ITSN1: variants seen among roughly 807,000 people sequenced by gnomAD.
ITSN1 encodes the protein intersectin 1.
In ITSN1, 58 loss-of-function variants were observed where a neutral mutation model predicts 239.8. That is an observed-to-expected ratio of 0.24 (90% CI 0.20 to 0.30). The LOEUF (loss-of-function observed/expected upper bound fraction) is 0.30. Ranked by LOEUF, ITSN1 falls within the 10% of genes least tolerant of loss-of-function variation. The pLI, the probability that ITSN1 is intolerant of heterozygous loss-of-function variation, is 1.00. For synonymous variants in ITSN1, 780 were observed against 770.8 expected, an observed-to-expected ratio of 1.01 and a Z score of -0.20; for missense variants, 1,558 against 2,103.3, an observed-to-expected ratio of 0.74 and a Z score of 5.07.
At chr21:33,781,398 A>G (rs2070167088) in intron 14 of ITSN1, 63 bp from the exon 15 acceptor site, 1 of 877,324 alleles carries the variant, frequency 1.1e-6, no homozygotes, top group African/African-American at 1.7e-5. Flanking sequence ...CTCTGCCTGG[A>G]TCTTAATGTA....
At chr21:33,669,471 G>A (rs556607274) in intron 1 of ITSN1, among the ~76,000 whole-genome samples, 5 of 145,296 alleles carry the variant, frequency 3.4e-5, no homozygotes, top group African/African-American at 5.1e-5. Context: ...ACGGAGTCTC[G>A]CTCTGTCACC....
chr21:33,869,801 G>C (rs1982398153), intron 33 of ITSN1, among the ~76,000 whole-genome samples: 1 of 151,962 alleles, frequency 6.6e-6, no homozygotes, highest in South Asian at 2.1e-4. Flanking sequence ...TTTGTTTTGT[G>C]TTCCTCTCGG....
intron 4 of ITSN1, among the ~76,000 whole-genome samples, chr21:33,733,381 C>A (rs1428650737): frequency 2.6e-5 from 4 of 152,006 alleles, no homozygotes; most frequent in Non-Finnish European, 5.9e-5. Flanking sequence ...CTCCCCCACC[C>A]CTACCCATAA....
chr21:33,819,759 G>T (rs1216317062), intron 24 of ITSN1, among the ~76,000 whole-genome samples: 1 of 151,692 alleles, frequency 6.6e-6, no homozygotes, highest in African/African-American at 2.4e-5. Context: ...GAGGCGGGTG[G>T]ATCATGAGGT....
intron 1 of ITSN1, among the ~76,000 whole-genome samples, chr21:33,652,679 T>C (rs940518165): frequency 2.0e-5 from 3 of 152,132 alleles, no homozygotes; most frequent in Non-Finnish European, 2.9e-5. Flanking sequence ...TAAAACCATC[T>C]CCAAAAACAT....
chr21:33,700,569 T>C (rs925710895), intron 1 of ITSN1, among the ~76,000 whole-genome samples: 2 of 152,154 alleles, frequency 1.3e-5, no homozygotes, highest in South Asian at 2.1e-4. Context: ...GCCTAATCCG[T>C]TTATAAATGT....
chr21:33,696,503 T>C (rs2091800226), intron 1 of ITSN1, among the ~76,000 whole-genome samples: 1 of 152,250 alleles, frequency 6.6e-6, no homozygotes, highest in Admixed American at 6.5e-5. Flanking sequence ...TTACTCGTTA[T>C]CAAGGCTTAC....
At chr21:33,820,137 A>T (rs1300717661) in intron 24 of ITSN1, among the ~76,000 whole-genome samples, 1 of 135,668 alleles carries the variant, frequency 7.4e-6, no homozygotes, top group South Asian at 2.2e-4. Flanking sequence ...ATTTAGGACT[A>T]AAAAAAAAAA....
intron 33 of ITSN1, among the ~76,000 whole-genome samples, chr21:33,874,178 A>AG (rs59584970): frequency 0.27 from 34,966 of 129,916 alleles, 5,721 homozygotes; most frequent in East Asian, 0.38. Context: ...AAAAAAAAAA[A>AG]GAACATTTAT....
chr21:33,789,674 C>G (rs2070952084), intron 16 of ITSN1, among the ~76,000 whole-genome samples: 1 of 152,088 alleles, frequency 6.6e-6, no homozygotes, highest in Admixed American at 6.5e-5. Context: ...CTTTATATTT[C>G]AAGTAATATT....
At chr21:33,716,493 CTT>C (rs1312101456) in intron 1 of ITSN1, 1 of 152,290 alleles carries the variant, frequency 6.6e-6, no homozygotes, top group Non-Finnish European at 1.5e-5. Context: ...CCTGGCAAAA[CTT>C]AACAGCTTCG....
rs1173858923 is a variant in ITSN1 at position 33,797,463 on chromosome 21, G to A, written c.2037G>A (p.Glu679=). 1.9e-6 allele frequency: 3 copies of A among 1,613,926 alleles called. No individual in the cohort carries two copies. The highest frequency in any genetic ancestry group is 1.7e-5 in the Admixed American group (1 of 59,988). The change falls in exon 18 of 40, where the codon GAG becomes GAA. Residue 679 remains glutamate, a synonymous_variant. Transcript: ENST00000381318. The surrounding 1 kb of genome is among the most constrained non-coding windows in gnomAD (Gnocchi z 4.9). The part of the protein sequence containing the change: ...EHQRPRKLHE[E]EKLKREESVK... ...AGAGACCAAGAAAACTCCACGAAGA[G>A]GAAAAACTGAAAAGGGAGGAGAGTG...
chr21:33,729,659 G>C (rs1306366305), intron 4 of ITSN1, among the ~76,000 whole-genome samples: 1 of 152,160 alleles, frequency 6.6e-6, no homozygotes, highest in Non-Finnish European at 1.5e-5. Context: ...AGGTAGGCTG[G>C]AGGGCAAAGA....
chr21:33,662,480 T>C (rs1372542487), intron 1 of ITSN1, among the ~76,000 whole-genome samples: 2 of 152,182 alleles, frequency 1.3e-5, no homozygotes, highest in African/African-American at 2.4e-5. Flanking sequence ...AAATAGGTGA[T>C]GGGGTATTGC....
At chr21:33,681,127 C>G (rs747622220) in intron 1 of ITSN1, among the ~76,000 whole-genome samples, 1 of 152,150 alleles carries the variant, frequency 6.6e-6, no homozygotes, top group Non-Finnish European at 1.5e-5. Context: ...AATATTTACC[C>G]GCCCGGGGAT....
Position 33,674,693 on chromosome 21 carries a change from A to G in ITSN1, c.-33+31980A>G, listed in dbSNP as rs147206422. On this transcript the variant is annotated intron_variant, in intron 1 of 39. Transcript: ENST00000381318. ...ATAGTTGCAGTGGTCCTTAAAATTA[A>G]GATAGGAGAAGAGATTTGGAAATAA... Among the ~76,000 whole-genome samples, 43 of 152,322 alleles carry G rather than the reference A, an allele frequency of 2.8e-4. No individual in the cohort carries two copies. In the East Asian group the frequency reaches 8.1e-3, roughly 29 times the overall value.
intron 9 of ITSN1, among the ~76,000 whole-genome samples, chr21:33,765,284 G>C (rs1213428417): frequency 6.6e-6 from 1 of 152,184 alleles, no homozygotes; most frequent in African/African-American, 2.4e-5. Flanking sequence ...AGGCTCACTT[G>C]AGGCCAGGAC....
At chr21:33,876,219 T>C (rs184579776) in intron 34 of ITSN1, among the ~76,000 whole-genome samples, 344 of 31,118 alleles carry the variant, frequency 0.011, no homozygotes, top group South Asian at 0.022. Context: ...TCTCTTCTTT[T>C]TCTCTTTCTT....
At chr21:33,886,210 TAA>T (rs559819556) in intron 38 of ITSN1, 75 bp from the exon 39 acceptor site, 38,884 of 958,356 alleles carry the variant, frequency 0.041, no homozygotes, top group Middle Eastern at 0.044. Context: ...AGAATCCATC[TAA>T]AAAAAAAAAA....
Sources: allele counts gnomAD v4.1 joint callset (sites outside exome capture counted in the v4.1 genomes callset), GRCh38; gene constraint gnomAD v4.1.1; non-coding constraint Gnocchi (gnomAD v3.1); transcripts MANE v1.5; gene names NCBI Gene and HGNC (gene_info 2026-07-23, HGNC 2026-07-21).